Variants in LRP8 observed in about 807,000 individuals in gnomAD.
LRP8 encodes LDL receptor related protein 8, also known as low-density lipoprotein receptor-related protein 8.
Under a neutral mutation model 111.6 loss-of-function variants are expected in LRP8, and 46 were observed. The observed-to-expected ratio is 0.41, with a 90% CI of 0.33 to 0.53. LRP8 has a LOEUF of 0.53. Ranked by LOEUF, LRP8 falls within the 20% of genes least tolerant of loss-of-function variation. The pLI is 0.20. For synonymous variants in LRP8, 464 were observed against 511.2 expected (o/e 0.91, Z 1.24); for missense variants, 959 against 1,297.4 (o/e 0.74, Z 4.01).
chr1:53,319,634 A>G (rs1654239280), intron 2 of LRP8, among the ~76,000 whole-genome samples: 2 of 152,128 alleles, frequency 1.3e-5, no homozygotes. Flanking sequence ...CTCGGTCAAG[A>G]CTGAGCAGGA....
At chr1:53,319,396 CA>C (rs1375985084) in intron 2 of LRP8, among the ~76,000 whole-genome samples, 2 of 152,184 alleles carry the variant, frequency 1.3e-5, no homozygotes, top group Non-Finnish European at 2.9e-5. Flanking sequence ...TTCCAAGGGG[CA>C]GGCGTGTAGA....
intron 2 of LRP8, among the ~76,000 whole-genome samples, chr1:53,308,895 G>A (rs140712002): frequency 4.6e-5 from 7 of 152,320 alleles, no homozygotes; most frequent in East Asian, 3.9e-4. Context: ...CCTATGCTAC[G>A]TGACCCTGGG....
At chr1:53,247,894 C>G (rs1444811574) in intron 18 of LRP8, among the ~76,000 whole-genome samples, 1 of 152,160 alleles carries the variant, frequency 6.6e-6, no homozygotes, top group Non-Finnish European at 1.5e-5. Flanking sequence ...CTGATGTAAT[C>G]TTGTTTGCCT....
chr1:53,255,214 T>TG (rs752973434), intron 15 of LRP8, 29 bp from the exon 16 acceptor site: 1 of 1,606,258 alleles, frequency 6.2e-7, no homozygotes, highest in South Asian at 1.1e-5. Context: ...TGCAGAATGA[T>TG]GCTCTATCAC....
intron 3 of LRP8, among the ~76,000 whole-genome samples, chr1:53,284,732 G>A (rs1334706003): frequency 6.6e-6 from 1 of 152,178 alleles, no homozygotes. Context: ...TCCCTAAATA[G>A]ACAGCTCTAA....
rs751059701 is a variant in LRP8 at position 53,303,837 on chromosome 1, CTCAG to C, written c.245-14152_245-14149del. Reference sequence around the variant, plus strand: ...CTTGAATGCTCTCAGCGACAGGGGACTCAGTCAGCCGTGCTGGCTGGAGGCTGAA... The same window carrying C: ...CTTGAATGCTCTCAGCGACAGGGGACTCAGCCGTGCTGGCTGGAGGCTGAA... On this transcript the variant is annotated intron_variant, in intron 2 of 18. Coordinates refer to ENST00000306052, the MANE Select transcript of LRP8 (RefSeq NM_004631.5). The surrounding 1 kb of genome is among the most constrained non-coding windows in gnomAD (Gnocchi z 4.3). 6.6e-6 allele frequency among the ~76,000 whole-genome samples: 1 copy of C among 152,238 alleles called. No individual in the cohort carries two copies. Among genetic ancestry groups the C allele is most frequent in the Non-Finnish European group, 1.5e-5 (1 of 68,048 alleles).
rs188530634 is a variant in LRP8 at position 53,244,398 on chromosome 1, A to G, written c.*2620T>C. On this transcript the variant is annotated 3_prime_UTR_variant, in exon 19 of 19. Coordinates refer to ENST00000306052, the MANE Select transcript of LRP8 (RefSeq NM_004631.5). ...GATCTGTGATTGGCTGTAGATAGCTATGCACGGGGGCAAAAGGCAAAAGAT... is the reference window on the plus strand; with the variant it reads ...GATCTGTGATTGGCTGTAGATAGCTGTGCACGGGGGCAAAAGGCAAAAGAT... 169 of 152,374 alleles carry G rather than the reference A, an allele frequency of 1.1e-3. No homozygotes were observed. The highest frequency in any genetic ancestry group is 3.7e-3 in the African/African-American group (154 of 41,594). 9.4% of individuals were successfully genotyped at this position (152,374 alleles called of 1,614,324 possible).
rs571110831 is a variant in LRP8 at position 53,256,278 on chromosome 1, G to A, written c.2434+962C>T. ...TCCAAGAGAATCTAACAGTTAAGGGGAGAAAAAGCTGCACTGCTTGCTTCC... is the reference window on the plus strand; with the variant it reads ...TCCAAGAGAATCTAACAGTTAAGGGAAGAAAAAGCTGCACTGCTTGCTTCC... On this transcript the variant is annotated intron_variant, in intron 15 of 18. Transcript: ENST00000306052. Among the ~76,000 whole-genome samples the A allele has an allele frequency of 3.3e-5, 5 of 152,368 alleles. No individual in the cohort carries two copies. The South Asian group carries it at 1.0e-3, about 32-fold the overall frequency.
chr1:53,255,098 G>T lies in LRP8; in HGVS notation c.2503+19C>A. On this transcript the variant is annotated intron_variant, in intron 16 of 18. Transcript: ENST00000306052. ...GCAGGGTCTCTCTTTTCTCTTCAGT[G>T]ACTGGGGGCCACACTCACCTATGGG... 6.2e-7 allele frequency: 1 copy of T among 1,612,684 alleles called. No individual in the cohort carries two copies.
In LRP8 at chr1:53,262,346, G is replaced by C. The variant is rs564796194; in HGVS notation, c.1774+100C>G. The C allele has an allele frequency of 6.6e-7, 1 of 1,512,108 alleles. No individual in the cohort carries two copies. Among genetic ancestry groups the C allele is most frequent in the Admixed American group, 1.7e-5 (1 of 57,990 alleles). The allele number at this position is 1,512,108 out of a possible 1,614,324, so 93.7% of individuals were successfully genotyped here. A position where few individuals can be genotyped will look rare whatever the true frequency, so the allele number is the denominator to read the frequency against. ...CAACCATTAGGAAACAAAGTCACTGGCACCATGAGAGGACCCAGAAACAAG... is the reference window on the plus strand; with the variant it reads ...CAACCATTAGGAAACAAAGTCACTGCCACCATGAGAGGACCCAGAAACAAG... On this transcript the variant is annotated intron_variant, in intron 11 of 18. Coordinates refer to ENST00000306052, the MANE Select transcript of LRP8 (RefSeq NM_004631.5). The surrounding 1 kb of genome is among the most constrained non-coding windows in gnomAD (Gnocchi z 4.8).
intron 2 of LRP8, among the ~76,000 whole-genome samples, chr1:53,310,811 G>A (rs1217493965): frequency 6.6e-6 from 1 of 152,136 alleles, no homozygotes; most frequent in Non-Finnish European, 1.5e-5. Flanking sequence ...CATTCAACAA[G>A]CATACAATGG....
chr1:53,305,330 A>G (rs1302628062), intron 2 of LRP8: 1 of 152,250 alleles, frequency 6.6e-6, no homozygotes, highest in Non-Finnish European at 1.5e-5. Flanking sequence ...AGTGCCCGAC[A>G]TAAGGGATGG....
At position 53,264,300 on chromosome 1, in the gene LRP8, G is replaced by A. The variant is rs988758511; in HGVS notation, c.1524C>T (p.His508=). 2 of 1,614,194 alleles carry A rather than the reference G, an allele frequency of 1.2e-6. No homozygotes were observed. Among genetic ancestry groups the A allele is most frequent in the Non-Finnish European group, 8.5e-7 (1 of 1,180,024 alleles). The change falls in exon 10 of 19, where the codon CAC becomes CAT. Residue 508 remains histidine (H), a synonymous_variant. Transcript: ENST00000306052. ...CCGAGTCAGTCCAGTAGATGTGCTT[G>A]TGGACCCAGTCCACTGCCAGGCCCT... is the stretch of plus-strand genomic sequence containing the variant. ...SPEGLAVDWV[H]KHIYWTDSGN...
chr1:53,262,551 AC>A lies in LRP8; in HGVS notation c.1668del (p.Trp556CysfsTer39). 1 of 1,614,124 alleles carries A rather than the reference AC, an allele frequency of 6.2e-7. No individual in the cohort carries two copies. The highest frequency in any genetic ancestry group is 8.5e-7 in the Non-Finnish European group (1 of 1,179,974). ...ATCTTGGCCTGGTCCCCCCAGTCAG[AC>A]CAATACATGAACCTAAAAGACAAAA... Reference protein sequence around the residue: ...AVDPLRGFMYWSDWGDQAKIE... With the variant: ...AVDPLRGFMYXSDWGDQAKIE... On this transcript the variant is annotated frameshift_variant, in exon 11 of 19. Transcript: ENST00000306052. LOFTEE classifies it high-confidence loss of function. This position sits in a 1 kb window ranked among gnomAD's most constrained non-coding sequence, Gnocchi z 4.8.
chr1:53,325,533 G>A (rs1440030124), intron 2 of LRP8, among the ~76,000 whole-genome samples: 1 of 152,242 alleles, frequency 6.6e-6, no homozygotes, highest in African/African-American at 2.4e-5. Flanking sequence ...GGTCAGGTGA[G>A]GAAACTGAGG....
In LRP8 at chr1:53,303,917, C is replaced by T. The variant is rs1375667825; in HGVS notation, c.245-14228G>A. ...GGGAAATAAGCTCTCAACAGGAGAT[C>T]CCCACTTTGTACAAATGGATTTTTC... On this transcript the variant is annotated intron_variant, in intron 2 of 18. Coordinates refer to ENST00000306052, the MANE Select transcript of LRP8 (RefSeq NM_004631.5). The surrounding 1 kb of genome is among the most constrained non-coding windows in gnomAD (Gnocchi z 4.3). Among the ~76,000 whole-genome samples the T allele has an allele frequency of 6.6e-6, 1 of 152,094 alleles. No individual in the cohort carries two copies.
Position 53,293,097 on chromosome 1 carries a change from A to G in LRP8, c.245-3408T>C, listed in dbSNP as rs905181863. Among the ~76,000 whole-genome samples the G allele has an allele frequency of 6.6e-6, 1 of 152,204 alleles. No individual in the cohort carries two copies. The highest frequency in any genetic ancestry group is 1.5e-5 in the Non-Finnish European group (1 of 68,026). On this transcript the variant is annotated intron_variant, in intron 2 of 18. Transcript: ENST00000306052. The surrounding 1 kb of genome is among the most constrained non-coding windows in gnomAD (Gnocchi z 4.9). ...CAGCAGGGCAGGCTTGAAGAAGGTG[A>G]TGATGGGGCTCTGTTGCTGGGCACA...
At chr1:53,300,228 T>A (rs1023706047) in intron 2 of LRP8, among the ~76,000 whole-genome samples, 9 of 152,220 alleles carry the variant, frequency 5.9e-5, no homozygotes, top group African/African-American at 2.2e-4. Flanking sequence ...TTGGCCTTCA[T>A]ACCAGGTGCT....
chr1:53,287,681 A>C (rs901107220), intron 3 of LRP8, among the ~76,000 whole-genome samples: 1 of 152,140 alleles, frequency 6.6e-6, no homozygotes. Flanking sequence ...AAGTCTATCA[A>C]CTTCTCTGGG....
Sources: allele counts gnomAD v4.1 joint callset (sites outside exome capture counted in the v4.1 genomes callset), GRCh38; gene constraint gnomAD v4.1.1; non-coding constraint Gnocchi (gnomAD v3.1); transcripts MANE v1.5; gene names NCBI Gene and HGNC (gene_info 2026-07-23, HGNC 2026-07-21).